CCDC63: variants seen among roughly 807,000 people sequenced by gnomAD.
CCDC63 encodes coiled-coil domain containing 63.
A neutral mutation model predicts 63.6 loss-of-function variants in CCDC63; 54 were observed. The ratio of observed to expected loss-of-function variants is 0.85; its 90% confidence interval spans 0.68 to 1.07. The LOEUF is 1.07. Ranked by LOEUF, CCDC63 falls within the 50% of genes least tolerant of loss-of-function variation. The pLI is 0.00. For missense variants in CCDC63, 637 were observed against 689.6 expected (o/e 0.92, Z 0.86); for synonymous variants, 253 against 266.1 (o/e 0.95, Z 0.48).
intron 1 of CCDC63, among the ~76,000 whole-genome samples, chr12:110,848,418 C>A (rs2070666450): frequency 6.6e-6 from 1 of 152,142 alleles, no homozygotes; most frequent in Admixed American, 6.5e-5. Context: ...TGTAGGAGCC[C>A]ATCCCAGAGG....
chr12:110,897,661 C>T (rs955579300), intron 9 of CCDC63, among the ~76,000 whole-genome samples: 4 of 150,600 alleles, frequency 2.7e-5, no homozygotes, highest in Non-Finnish European at 4.4e-5. Flanking sequence ...ATGGATAAAT[C>T]TACATACACA....
chr12:110,846,190 T>A (rs1199119549), upstream of CCDC63, among the ~76,000 whole-genome samples: 2 of 152,186 alleles, frequency 1.3e-5, no homozygotes, highest in East Asian at 3.9e-4. Flanking sequence ...GCTACTACAA[T>A]CCACTCAGGG....
rs548679842 is a variant in CCDC63, at chr12:110,878,253, T to C, written c.490-1653T>C. 6.6e-5 allele frequency among the ~76,000 whole-genome samples: 10 copies of C among 152,294 alleles called. No individual in the cohort carries two copies. The South Asian group carries it at 8.3e-4, about 13-fold the overall frequency. On this transcript the variant is annotated intron_variant, in intron 5 of 11. Transcript: ENST00000308208. ...ATATATGTATACACACATGTATACA[T>C]ACATATACACATACATATATACACA...
intron 11 of CCDC63, among the ~76,000 whole-genome samples, chr12:110,906,318 A>AGAGGAGGAG (rs141428157): frequency 6.8e-5 from 9 of 131,848 alleles, no homozygotes; most frequent in Admixed American, 4.3e-4. Flanking sequence ...AGAGGCAGGA[A>AGAGGAGGAG]GAGGAGGAGG....
intron 1 of CCDC63, among the ~76,000 whole-genome samples, chr12:110,847,670 C>A (rs561906168): frequency 2.6e-4 from 40 of 151,504 alleles, no homozygotes; most frequent in Non-Finnish European, 4.4e-4. Flanking sequence ...ACAACAACAA[C>A]AAAAAACTGT....
chr12:110,895,032 CG>C (rs1483424619), intron 9 of CCDC63, among the ~76,000 whole-genome samples: 1 of 147,206 alleles, frequency 6.8e-6, no homozygotes, highest in African/African-American at 2.5e-5. Flanking sequence ...CTCCTGCCTC[CG>C]CCCCCGAGTA....
intron 5 of CCDC63, among the ~76,000 whole-genome samples, chr12:110,877,243 G>A (rs577703506): frequency 1.4e-5 from 2 of 144,808 alleles, no homozygotes; most frequent in South Asian, 4.3e-4. Flanking sequence ...GACGGAGTCT[G>A]GCTCTGTCCC....
chr12:110,895,359 C>T (rs781342999), intron 9 of CCDC63, among the ~76,000 whole-genome samples: 1 of 152,242 alleles, frequency 6.6e-6, no homozygotes, highest in Non-Finnish European at 1.5e-5. Context: ...AGGTGATCCG[C>T]CCGCCTTGGC....
intron 4 of CCDC63, among the ~76,000 whole-genome samples, chr12:110,866,348 C>G (rs1021561963): frequency 1.1e-4 from 13 of 123,594 alleles, no homozygotes; most frequent in African/African-American, 4.1e-4. Context: ...ATTGATAATT[C>G]TTGGGTGTTT....
At chr12:110,887,359 C>T (rs961015475) in intron 8 of CCDC63, among the ~76,000 whole-genome samples, 1 of 152,020 alleles carries the variant, frequency 6.6e-6, no homozygotes, top group African/African-American at 2.4e-5. Flanking sequence ...CGCCTGAACT[C>T]AGGTGATCCG....
chr12:110,867,693 G>A (rs1206953991), intron 4 of CCDC63, among the ~76,000 whole-genome samples: 4 of 118,442 alleles, frequency 3.4e-5, no homozygotes, highest in Admixed American at 7.9e-5. Flanking sequence ...GCGGCTGGCC[G>A]GGCGGAGGGC....
intron 4 of CCDC63, among the ~76,000 whole-genome samples, chr12:110,862,453 A>G (rs968446061): frequency 7.2e-5 from 11 of 152,220 alleles, no homozygotes; most frequent in Non-Finnish European, 1.6e-4. Flanking sequence ...AGGGAATACA[A>G]TTCTCCACCA....
chr12:110,865,470 A>T (rs1318692869), intron 4 of CCDC63, among the ~76,000 whole-genome samples: 2 of 151,094 alleles, frequency 1.3e-5, no homozygotes, highest in Admixed American at 6.6e-5. Context: ...ATACCAAAAA[A>T]AAAAAAAAAA....
chr12:110,904,621 T>A lies in CCDC63; in HGVS notation c.1376T>A (p.Leu459Gln). ...GAAAAGAAGACCAACGACCTGCTGC[T>A]GTTGGAGACCTACAGGCGCATCCTG... ...IIEKKTNDLL[L>Q]LETYRRILEV... The change falls in exon 11 of 12, where the codon CTG (leucine) becomes CAG (glutamine). Residue 459 changes from leucine (L) to glutamine (Q), a missense_variant. Leu to Gln is a moderately radical substitution (Grantham distance 113, BLOSUM62 -2). Transcript: ENST00000308208. 1 of 1,614,096 alleles carries A rather than the reference T, an allele frequency of 6.2e-7. No individual in the cohort carries two copies. The highest frequency in any genetic ancestry group is 1.1e-5 in the South Asian group (1 of 91,082).
chr12:110,897,433 A>G (rs191835450), intron 9 of CCDC63, among the ~76,000 whole-genome samples: 1 of 151,750 alleles, frequency 6.6e-6, no homozygotes, highest in Non-Finnish European at 1.5e-5. Context: ...ACAAAATTAA[A>G]AAAAAACCCA....
chr12:110,890,057 C>G (rs905980923), intron 8 of CCDC63, among the ~76,000 whole-genome samples: 1 of 151,982 alleles, frequency 6.6e-6, no homozygotes, highest in Non-Finnish European at 1.5e-5. Flanking sequence ...CTTTGGGAGG[C>G]CGAGGTGGGC....
At chr12:110,884,464 C>T (rs2071252094) in intron 8 of CCDC63, among the ~76,000 whole-genome samples, 1 of 152,188 alleles carries the variant, frequency 6.6e-6, no homozygotes, top group Non-Finnish European at 1.5e-5. Flanking sequence ...ACTGCAGTCT[C>T]AACCTCCCAG....
chr12:110,886,393 A>C (rs959861258), intron 8 of CCDC63, among the ~76,000 whole-genome samples: 1 of 152,050 alleles, frequency 6.6e-6, no homozygotes, highest in East Asian at 1.9e-4. Flanking sequence ...CTCAAAAAAA[A>C]CCAAAAAAAA....
At chr12:110,896,629 G>T (rs540779143) in intron 9 of CCDC63, among the ~76,000 whole-genome samples, 1 of 152,316 alleles carries the variant, frequency 6.6e-6, no homozygotes, top group South Asian at 2.1e-4. Context: ...AGGAATCAGG[G>T]AAGGAAATAC....
Sources: gnomAD v4.1 joint callset for allele counts (sites outside exome capture counted in the v4.1 genomes callset) on GRCh38, gnomAD v4.1.1 for gene constraint, MANE v1.5 for transcripts, NCBI Gene and HGNC (gene_info 2026-07-23, HGNC 2026-07-21) for gene names.